Variants in RASGRF1 observed in about 807,000 individuals in gnomAD.
The protein encoded by RASGRF1 is Ras protein specific guanine nucleotide releasing factor 1, also known as ras-specific guanine nucleotide-releasing factor 1.
In RASGRF1, 40 loss-of-function variants were observed where a neutral mutation model predicts 138.7. That is an observed-to-expected ratio of 0.29 (90% CI 0.22 to 0.38). RASGRF1 has a LOEUF of 0.38. Among genes scored for constraint, RASGRF1 ranks in the 10% least tolerant of loss-of-function variants. The pLI, the probability that RASGRF1 is intolerant of heterozygous loss-of-function variation, is 1.00. For missense variants in RASGRF1, 1,108 were observed against 1,650.4 expected, an observed-to-expected ratio of 0.67 and a Z score of 5.69; for synonymous variants, 614 against 663.2, an observed-to-expected ratio of 0.93 and a Z score of 1.14.
chr15:79,019,368 A>G (rs532954869), intron 11 of RASGRF1, among the ~76,000 whole-genome samples: 1 of 152,116 alleles, frequency 6.6e-6, no homozygotes, highest in Non-Finnish European at 1.5e-5. Flanking sequence ...CCCACCTCCA[A>G]TTCTGATGCC....
chr15:79,042,029 T>C (rs1467321488), intron 5 of RASGRF1, among the ~76,000 whole-genome samples: 1 of 152,226 alleles, frequency 6.6e-6, no homozygotes, highest in Non-Finnish European at 1.5e-5. Context: ...CACATGGTGC[T>C]GGGCATGGTT....
At chr15:78,971,362 ATATAT>A (rs1379701471) in intron 26 of RASGRF1, among the ~76,000 whole-genome samples, 11 of 152,188 alleles carry the variant, frequency 7.2e-5, no homozygotes, top group Admixed American at 2.0e-4. Context: ...GATCTCCAAG[ATATAT>A]TATGAAGGAA....
At chr15:79,039,089 C>T (rs2057260504) in intron 5 of RASGRF1, among the ~76,000 whole-genome samples, 1 of 151,846 alleles carries the variant, frequency 6.6e-6, no homozygotes, top group Admixed American at 6.6e-5. Flanking sequence ...GAGGCTGAGG[C>T]AGGAGGATCG....
chr15:79,026,497 TC>T (rs1453064859), intron 9 of RASGRF1, among the ~76,000 whole-genome samples: 1 of 152,120 alleles, frequency 6.6e-6, no homozygotes, highest in Non-Finnish European at 1.5e-5. Context: ...ACCATAGGCT[TC>T]CGGAGGGCAG....
intron 14 of RASGRF1, chr15:79,004,682 A>T: frequency 1.0e-6 from 1 of 985,930 alleles, no homozygotes; most frequent in Non-Finnish European, 1.2e-6. Context: ...CTATATGCAA[A>T]CTTAGGGGGA....
chr15:78,968,518 A>G (rs1245547069), intron 26 of RASGRF1, among the ~76,000 whole-genome samples: 1 of 152,114 alleles, frequency 6.6e-6, no homozygotes, highest in Non-Finnish European at 1.5e-5. Context: ...CCTAGGCTCA[A>G]GTGATCCTCC....
intron 1 of RASGRF1, among the ~76,000 whole-genome samples, chr15:79,069,180 T>A (rs188511565): frequency 2.5e-4 from 38 of 152,232 alleles, no homozygotes; most frequent in Non-Finnish European, 2.9e-5. Flanking sequence ...TAGTACTGAG[T>A]GGATGCTGAT....
Position 79,050,902 on chromosome 15 carries a change from C to A in RASGRF1, c.532-1314G>T, listed in dbSNP as rs8027355. ...TGCTTGTCTACTCTTCTATCTTTGC[C>A]GTGAGCTCTAAGGGAGAAGGGATTG... On this transcript the variant is annotated intron_variant, in intron 3 of 26. Transcript: ENST00000558480. The surrounding 1 kb of genome is among the most constrained non-coding windows in gnomAD (Gnocchi z 4.1). Among the ~76,000 whole-genome samples the A allele has an allele frequency of 5.2e-3, 796 of 152,278 alleles. 9 individuals are homozygous for A. The highest frequency in any genetic ancestry group is 0.018 in the African/African-American group (763 of 41,564).
In RASGRF1 at chr15:79,017,829, C is replaced by T; in HGVS notation, c.1684G>A (p.Val562Ile). The T allele has an allele frequency of 6.2e-7, 1 of 1,613,168 alleles. No homozygotes were observed. The highest frequency in any genetic ancestry group is 8.5e-7 in the Non-Finnish European group (1 of 1,179,642). ...VEPKDSPPFT[V>I]ILVASSRQEK... is the part of the protein sequence containing the mutation. ...TGTCTGGACGAGGCCACTAGGATGA[C>T]TGTAAAGGGCGGGGAATCCTTTGGC... Residue 562 changes from valine to isoleucine, a missense_variant, in exon 12 of 27, where the codon GTC (valine) becomes ATC (isoleucine). Coordinates refer to ENST00000558480, the MANE Select transcript of RASGRF1 (RefSeq NM_001145648.3).
intron 1 of RASGRF1, among the ~76,000 whole-genome samples, chr15:79,064,952 C>A (rs762950548): frequency 6.6e-6 from 1 of 152,162 alleles, no homozygotes; most frequent in Non-Finnish European, 1.5e-5. Context: ...GGGGTTAGAG[C>A]GATGAGTAAA....
intron 8 of RASGRF1, among the ~76,000 whole-genome samples, chr15:79,031,100 T>C (rs2057129384): frequency 6.6e-6 from 1 of 152,064 alleles, no homozygotes; most frequent in African/African-American, 2.4e-5. Context: ...GAGCAGAGAG[T>C]GCCTGGGAGT....
At chr15:79,023,275 G>A (rs2056989699) in intron 10 of RASGRF1, among the ~76,000 whole-genome samples, 1 of 152,110 alleles carries the variant, frequency 6.6e-6, no homozygotes, top group Non-Finnish European at 1.5e-5. Context: ...AGCTTACAGA[G>A]GCAAGTGCTT....
intron 4 of RASGRF1, among the ~76,000 whole-genome samples, chr15:79,047,769 C>T (rs1475368469): frequency 2.6e-5 from 4 of 152,162 alleles, no homozygotes; most frequent in Non-Finnish European, 4.4e-5. Flanking sequence ...GCTGTACAGG[C>T]TTCCAATCAA....
chr15:78,972,292 C>A (rs1000739110), intron 25 of RASGRF1, among the ~76,000 whole-genome samples: 1 of 151,978 alleles, frequency 6.6e-6, no homozygotes, highest in Non-Finnish European at 1.5e-5. Context: ...GATGGGGTTT[C>A]ACCATGTTGA....
rs77216164 is a variant in RASGRF1 at position 79,031,279 on chromosome 15, C to T, written c.1262+121G>A. 2,342 of 775,262 alleles carry T rather than the reference C, an allele frequency of 3.0e-3. 38 individuals carry two copies. In the African/African-American group the frequency reaches 0.034, roughly 11 times the overall value. The allele number at this position is 775,262 out of a possible 1,614,324, so 48.0% of individuals were successfully genotyped here. On this transcript the variant is annotated intron_variant, in intron 8 of 26. Coordinates refer to ENST00000558480, the MANE Select transcript of RASGRF1 (RefSeq NM_001145648.3). Reference sequence around the variant, plus strand: ...TGCTTTGAGCTGTGGCAAGCTGTGCCCCTCCCTTACAATCCCCATCTGAAC... The same window carrying T: ...TGCTTTGAGCTGTGGCAAGCTGTGCTCCTCCCTTACAATCCCCATCTGAAC...
At chr15:78,971,842 T>A (rs2055767060) in intron 26 of RASGRF1, 24 bp downstream of exon 26, 1 of 1,545,270 alleles carries the variant, frequency 6.5e-7, no homozygotes, top group Non-Finnish European at 8.9e-7. Flanking sequence ...AGCATGCAAG[T>A]GACCAGGAAA....
At chr15:78,994,796 C>T (rs1463128931) in intron 20 of RASGRF1, among the ~76,000 whole-genome samples, 3 of 152,094 alleles carry the variant, frequency 2.0e-5, no homozygotes, top group Non-Finnish European at 4.4e-5. Context: ...GGGGATGAGG[C>T]AGTGTGGTAG....
intron 20 of RASGRF1, among the ~76,000 whole-genome samples, chr15:78,994,588 T>A (rs533913284): frequency 6.6e-6 from 1 of 152,334 alleles, no homozygotes; most frequent in East Asian, 1.9e-4. Flanking sequence ...CTGGGGTGGC[T>A]TGTGATGGCA....
At chr15:79,052,533 C>T (rs1400441386) in intron 3 of RASGRF1, among the ~76,000 whole-genome samples, 2 of 152,132 alleles carry the variant, frequency 1.3e-5, no homozygotes, top group African/African-American at 4.8e-5. Flanking sequence ...ATGCCAAGTG[C>T]CCCTTCCTTG....
Sources: allele counts gnomAD v4.1 joint callset (sites outside exome capture counted in the v4.1 genomes callset), GRCh38; gene constraint gnomAD v4.1.1; non-coding constraint Gnocchi (gnomAD v3.1); transcripts MANE v1.5; gene names NCBI Gene and HGNC (gene_info 2026-07-23, HGNC 2026-07-21).